The following PTPRG variants were observed in gnomAD, a reference collection of about 807,000 sequenced individuals.
The protein encoded by PTPRG is receptor-type tyrosine-protein phosphatase gamma.
PTPRG carries 102 observed loss-of-function variants against 165.3 expected under a neutral mutation model. That is an observed-to-expected ratio of 0.62 (90% CI 0.53 to 0.73). The LOEUF (loss-of-function observed/expected upper bound fraction) is 0.73, where lower values mean the gene tolerates loss of function less well. Among genes scored for constraint, PTPRG ranks in the 30% least tolerant of loss-of-function variants. PTPRG has a pLI of 0.00. For synonymous variants in PTPRG, 675 were observed against 669.5 expected, an observed-to-expected ratio of 1.01 and a Z score of -0.13; for missense variants, 1,866 against 1,861.4, an observed-to-expected ratio of 1.00 and a Z score of -0.05.
chr3:62,138,736 AG>A (rs1309457629), intron 6 of PTPRG, among the ~76,000 whole-genome samples: 24 of 146,408 alleles, frequency 1.6e-4, no homozygotes, highest in East Asian at 5.8e-4. Context: ...AAAAAAAAAA[AG>A]AAAGACGAAA....
intron 2 of PTPRG, among the ~76,000 whole-genome samples, chr3:61,915,785 T>G (rs1212428586): frequency 6.6e-6 from 1 of 152,188 alleles, no homozygotes; most frequent in Non-Finnish European, 1.5e-5. Context: ...GAGGGTAAGA[T>G]TGGTGTTTGC....
intron 2 of PTPRG, among the ~76,000 whole-genome samples, chr3:61,955,763 T>G (rs1048640831): frequency 6.6e-6 from 1 of 152,224 alleles, no homozygotes; most frequent in Non-Finnish European, 1.5e-5. Flanking sequence ...ACTGAAATAA[T>G]AGCATTCGTA....
chr3:61,907,614 C>A (rs551488029), intron 2 of PTPRG, among the ~76,000 whole-genome samples: 141 of 152,304 alleles, frequency 9.3e-4, no homozygotes, highest in African/African-American at 2.7e-3. Context: ...TATTGCAGCA[C>A]TGGGTAGAAC....
intron 2 of PTPRG, among the ~76,000 whole-genome samples, chr3:61,789,608 G>T (rs1234475978): frequency 6.6e-6 from 1 of 152,128 alleles, no homozygotes; most frequent in East Asian, 1.9e-4. Context: ...TCAGTACTTT[G>T]CATTCAGTAC....
rs141711845 is a variant in PTPRG at position 61,679,773 on chromosome 3, C to G, written c.86-69105C>G. ...TGCAGCCTGGGCGACGAGCGAAACT[C>G]TGTCTCAAAAAACCAAAAAAACAGA... On this transcript the variant is annotated intron_variant, in intron 1 of 29. Transcript: ENST00000474889. Among the ~76,000 whole-genome samples the G allele has an allele frequency of 4.4e-3, 675 of 152,194 alleles. 5 individuals carry two copies. The highest frequency in any genetic ancestry group is 0.015 in the African/African-American group (643 of 41,524).
At chr3:61,982,370 T>C (rs2040660637) in intron 2 of PTPRG, among the ~76,000 whole-genome samples, 1 of 152,198 alleles carries the variant, frequency 6.6e-6, no homozygotes, top group Non-Finnish European at 1.5e-5. Context: ...GAATAAATGA[T>C]CCCAATTATT....
chr3:61,646,729 C>A (rs1361641164), intron 1 of PTPRG, among the ~76,000 whole-genome samples: 3 of 151,942 alleles, frequency 2.0e-5, no homozygotes, highest in African/African-American at 7.3e-5. Context: ...TTTGTGTGAC[C>A]AGCATCACAA....
At chr3:61,878,246 A>C (rs2037796624) in intron 2 of PTPRG, among the ~76,000 whole-genome samples, 1 of 152,192 alleles carries the variant, frequency 6.6e-6, no homozygotes, top group Non-Finnish European at 1.5e-5. Context: ...TCTGAGTGAT[A>C]GGTCCATTTG....
intron 2 of PTPRG, among the ~76,000 whole-genome samples, chr3:61,908,319 G>T (rs973566587): frequency 6.7e-6 from 1 of 150,302 alleles, no homozygotes; most frequent in African/African-American, 2.5e-5. Context: ...CCAGCTACTC[G>T]GGAGGCTGAG....
rs118168314 is a variant in PTPRG, at chr3:62,225,780, G to T, written c.2289-5445G>T. Among the ~76,000 whole-genome samples the T allele has an allele frequency of 1.8e-3, 272 of 150,876 alleles. 10 individuals are homozygous for T. The East Asian group carries it at 0.048, about 27-fold the overall frequency. On this transcript the variant is annotated intron_variant, in intron 13 of 29. Transcript: ENST00000474889. ...AGCAATTCTCCTGCCTCAGCCTCTCGCATAGCAGGGATTACAGGCACCCAC... is the reference window on the plus strand; with the variant it reads ...AGCAATTCTCCTGCCTCAGCCTCTCTCATAGCAGGGATTACAGGCACCCAC...
intron 2 of PTPRG, among the ~76,000 whole-genome samples, chr3:61,916,626 A>T (rs541383776): frequency 9.2e-5 from 14 of 152,250 alleles, no homozygotes; most frequent in African/African-American, 3.4e-4. Flanking sequence ...TGTTATTGTT[A>T]TTATTATATT....
At chr3:62,171,375 C>G (rs1387598642) in intron 8 of PTPRG, among the ~76,000 whole-genome samples, 3 of 152,116 alleles carry the variant, frequency 2.0e-5, no homozygotes, top group Non-Finnish European at 4.4e-5. Context: ...ACACTTTTGC[C>G]AGCAGTTTAG....
chr3:61,819,278 T>A (rs1366000295), intron 2 of PTPRG, among the ~76,000 whole-genome samples: 1 of 152,172 alleles, frequency 6.6e-6, no homozygotes, highest in Non-Finnish European at 1.5e-5. Context: ...TGAGCTGTTT[T>A]TGAAGGAACT....
intron 1 of PTPRG, among the ~76,000 whole-genome samples, chr3:61,634,711 G>T (rs1241475636): frequency 3.3e-5 from 5 of 152,290 alleles, no homozygotes; most frequent in African/African-American, 1.2e-4. Flanking sequence ...CTCCTGTGAG[G>T]TCACTAAGCA....
At chr3:62,129,129 G>A (rs1037256459) in intron 5 of PTPRG, among the ~76,000 whole-genome samples, 6 of 152,276 alleles carry the variant, frequency 3.9e-5, no homozygotes, top group African/African-American at 1.4e-4. Flanking sequence ...TTGCATTTGT[G>A]CAGTTGTTTA....
intron 4 of PTPRG, among the ~76,000 whole-genome samples, chr3:62,029,490 A>G (rs551029773): frequency 1.3e-5 from 2 of 152,376 alleles, no homozygotes; most frequent in Admixed American, 6.5e-5. Context: ...TTTATGAAGA[A>G]GTCAAAATAT....
intron 2 of PTPRG, chr3:61,769,295 G>C (rs1452612796): frequency 2.0e-5 from 3 of 152,066 alleles, no homozygotes; most frequent in Non-Finnish European, 4.4e-5. Flanking sequence ...TCCATATAGG[G>C]TTTTACTCTG....
intron 5 of PTPRG, among the ~76,000 whole-genome samples, chr3:62,107,223 C>G (rs999845963): frequency 7.2e-5 from 11 of 152,338 alleles, no homozygotes; most frequent in South Asian, 2.1e-4. Flanking sequence ...GTAGTTACAT[C>G]ATGGGAGCCA....
intron 2 of PTPRG, among the ~76,000 whole-genome samples, chr3:61,931,665 A>G (rs1034990620): frequency 2.0e-5 from 3 of 152,206 alleles, no homozygotes; most frequent in African/African-American, 2.4e-5. Context: ...ACATGATCAA[A>G]CGCACAACTG....
Sources: allele counts gnomAD v4.1 joint callset (sites outside exome capture counted in the v4.1 genomes callset), GRCh38; gene constraint gnomAD v4.1.1; transcripts MANE v1.5; gene names NCBI Gene and HGNC (gene_info 2026-07-23, HGNC 2026-07-21).